Variants in RBFOX1 observed in about 807,000 individuals in gnomAD.
RBFOX1 encodes the protein RNA binding protein fox-1 homolog 1.
Under a neutral mutation model 57.7 loss-of-function variants are expected in RBFOX1, and 8 were observed. That is an observed-to-expected ratio of 0.14 (90% confidence interval 0.08 to 0.25). RBFOX1 has a LOEUF of 0.25. RBFOX1 is among the 10% of genes least tolerant of loss of function. The pLI is 1.00. For missense variants in RBFOX1, 611 were observed against 548.5 expected, an observed-to-expected ratio of 1.11 and a Z score of -1.14; for synonymous variants, 326 against 222.4, an observed-to-expected ratio of 1.47 and a Z score of -4.15.
chr16:5,754,419 G>T (rs1597112441), intron 3 of RBFOX1, among the ~76,000 whole-genome samples: 1 of 151,946 alleles, frequency 6.6e-6, no homozygotes, highest in Middle Eastern at 3.4e-3. Flanking sequence ...CACACCTGTG[G>T]GTGTTTCTCG....
chr16:7,156,860 C>G (rs1226064440), intron 4 of RBFOX1, among the ~76,000 whole-genome samples: 1 of 152,158 alleles, frequency 6.6e-6, no homozygotes, highest in African/African-American at 2.4e-5. Flanking sequence ...GATCGATTTA[C>G]TTTTCATAGA....
At chr16:6,584,898 C>T (rs1334994789) in intron 2 of RBFOX1, among the ~76,000 whole-genome samples, 1 of 152,164 alleles carries the variant, frequency 6.6e-6, no homozygotes, top group Non-Finnish European at 1.5e-5. Flanking sequence ...GTTCTCTCTT[C>T]CTGGGGCAGA....
intron 4 of RBFOX1, among the ~76,000 whole-genome samples, chr16:7,188,310 C>T (rs1448851815): frequency 6.6e-6 from 1 of 152,174 alleles, no homozygotes; most frequent in Non-Finnish European, 1.5e-5. Context: ...AACTGTTGTA[C>T]ATCTTCCTAT....
chr16:6,483,548 C>A lies in RBFOX1; in HGVS notation c.-64+166491C>A, dbSNP rs7187508. The A allele has an allele frequency of 0.57, 874,090 of 1,534,700 alleles. 253,723 individuals are homozygous for A. The highest frequency in any genetic ancestry group is 0.76 in the African/African-American group (55,476 of 73,032). On this transcript the variant is annotated intron_variant, in intron 2 of 15. Transcript: ENST00000550418. ...AGTCGTGGGAGATGCCCTTCAGGTA[C>A]GGCGAGCGAAGAAGACTCTAAAACA...
chr16:7,283,172 C>A (rs943151328), intron 4 of RBFOX1, among the ~76,000 whole-genome samples: 1 of 151,982 alleles, frequency 6.6e-6, no homozygotes, highest in Non-Finnish European at 1.5e-5. Flanking sequence ...TAAGGAATCT[C>A]CACATGATTT....
At chr16:6,278,937 A>T (rs1168236981) in intron 1 of RBFOX1, among the ~76,000 whole-genome samples, 1 of 152,094 alleles carries the variant, frequency 6.6e-6, no homozygotes, top group African/African-American at 2.4e-5. Context: ...GATATGTCTA[A>T]CCCGTTATGT....
Position 5,670,489 on chromosome 16 carries a change from G to C in RBFOX1, c.318+71528G>C, listed in dbSNP as rs188323583. Among the ~76,000 whole-genome samples, 3 of 152,322 alleles carry C rather than the reference G, an allele frequency of 2.0e-5. No individual in the cohort carries two copies. In the East Asian group the frequency reaches 5.8e-4, roughly 29 times the overall value. Reference sequence around the variant, plus strand: ...TGTGAATGTAGGCTGAGCTATGGAAGATATGGGAACATATGCCTTTGTCTC... The same window carrying C: ...TGTGAATGTAGGCTGAGCTATGGAACATATGGGAACATATGCCTTTGTCTC... On this transcript the variant is annotated intron_variant, in intron 3 of 19. Coordinates refer to the RBFOX1 transcript ENST00000641259.
intron 4 of RBFOX1, among the ~76,000 whole-genome samples, chr16:7,296,440 G>A (rs549664826): frequency 6.6e-6 from 1 of 151,998 alleles, no homozygotes; most frequent in African/African-American, 2.4e-5. Flanking sequence ...TCTTGGAACT[G>A]TCCATGTCAT....
At chr16:7,075,347 G>C (rs888935968) in intron 4 of RBFOX1, among the ~76,000 whole-genome samples, 1 of 152,226 alleles carries the variant, frequency 6.6e-6, no homozygotes, top group Non-Finnish European at 1.5e-5. Flanking sequence ...AGAACTCTAG[G>C]AGAAGAGTTG....
intron 14 of RBFOX1, among the ~76,000 whole-genome samples, chr16:7,704,326 G>C (rs755887742): frequency 2.5e-4 from 38 of 152,158 alleles, no homozygotes; most frequent in Non-Finnish European, 4.6e-4. Flanking sequence ...TTCCCTGAAG[G>C]CTTTTGATGA....
intron 3 of RBFOX1, among the ~76,000 whole-genome samples, chr16:6,872,658 A>T (rs548605946): frequency 6.6e-6 from 1 of 152,344 alleles, no homozygotes; most frequent in South Asian, 2.1e-4. Flanking sequence ...AAGTAGAATG[A>T]TTGGACACTG....
At chr16:6,896,858 TGGAAG>T in intron 3 of RBFOX1, among the ~76,000 whole-genome samples, 1 of 152,044 alleles carries the variant, frequency 6.6e-6, no homozygotes, top group Non-Finnish European at 1.5e-5. Context: ...TAAAAATCAG[TGGAAG>T]AGTGGTGAGA....
chr16:5,812,698 G>A (rs2151783000), intron 3 of RBFOX1, among the ~76,000 whole-genome samples: 1 of 152,186 alleles, frequency 6.6e-6, no homozygotes, highest in East Asian at 1.9e-4. Context: ...CTGGCCTCAA[G>A]CAGTCCTTTC....
intron 3 of RBFOX1, among the ~76,000 whole-genome samples, chr16:5,712,223 G>A (rs1658283897): frequency 6.6e-6 from 1 of 152,148 alleles, no homozygotes; most frequent in African/African-American, 2.4e-5. Context: ...TCAACACCTG[G>A]GGATTACCAT....
chr16:6,637,591 A>G (rs577357784), intron 2 of RBFOX1, among the ~76,000 whole-genome samples: 33 of 142,424 alleles, frequency 2.3e-4, no homozygotes, highest in African/African-American at 8.1e-4. Context: ...ATAATAGTCT[A>G]TATATATATT....
intron 4 of RBFOX1, among the ~76,000 whole-genome samples, chr16:7,189,237 A>G (rs1274960468): frequency 6.6e-6 from 1 of 151,836 alleles, no homozygotes; most frequent in African/African-American, 2.4e-5. Context: ...CATCCTGGCT[A>G]ACACAGTGAA....
rs115024137 is a variant in RBFOX1, at chr16:7,684,440, A to T, written c.995+7602A>T. 9.7e-3 allele frequency among the ~76,000 whole-genome samples: 1,478 copies of T among 152,176 alleles called. 25 individuals are homozygous for T. The highest frequency in any genetic ancestry group is 0.034 in the African/African-American group (1,403 of 41,540). On this transcript the variant is annotated intron_variant, in intron 14 of 15. Transcript: ENST00000550418. Reference sequence around the variant, plus strand: ...CCAAGCTAATTATTGATACATTATGATGTGTGACTGTTCAAATAGATTAAC... The same window carrying T: ...CCAAGCTAATTATTGATACATTATGTTGTGTGACTGTTCAAATAGATTAAC...
chr16:6,144,277 G>T (rs763512463), intron 1 of RBFOX1, among the ~76,000 whole-genome samples: 52 of 152,084 alleles, frequency 3.4e-4, no homozygotes, highest in Non-Finnish European at 6.0e-4. Context: ...TAGGCATATT[G>T]TTCCTATCCA....
At chr16:6,375,017 C>CAATAGCTCCTTTTTTACAT (rs550543534) in intron 2 of RBFOX1, among the ~76,000 whole-genome samples, 223 of 152,292 alleles carry the variant, frequency 1.5e-3, no homozygotes, top group African/African-American at 5.2e-3. Context: ...GCATTGAGTG[C>CAATAGCTCCTTTTTTACAT]TTATTTGCTC....
Sources: gnomAD v4.1 joint callset for allele counts (sites outside exome capture counted in the v4.1 genomes callset) on GRCh38, gnomAD v4.1.1 for gene constraint, MANE v1.5 for transcripts, NCBI Gene and HGNC (gene_info 2026-07-23, HGNC 2026-07-21) for gene names.